DOCK3: variants seen among roughly 807,000 people sequenced by gnomAD.
DOCK3 encodes the protein dedicator of cytokinesis 3.
Under a neutral mutation model 265.6 loss-of-function variants are expected in DOCK3, and 60 were observed. The observed-to-expected ratio is 0.23, with a 90% CI of 0.18 to 0.28. The LOEUF (loss-of-function observed/expected upper bound fraction) is 0.28. DOCK3 is among the 10% of genes least tolerant of loss of function. The pLI is 1.00. For synonymous variants in DOCK3, 881 were observed against 938.0 expected, an observed-to-expected ratio of 0.94 and a Z score of 1.11; for missense variants, 1,981 against 2,594.3, an observed-to-expected ratio of 0.76 and a Z score of 5.14.
At chr3:51,315,149 C>A (rs761474209) in intron 32 of DOCK3, 21 bp downstream of exon 32, 1 of 1,579,166 alleles carries the variant, frequency 6.3e-7, no homozygotes, top group East Asian at 2.3e-5. Flanking sequence ...TGGCAGTGTT[C>A]GGGGTATTCT....
At chr3:51,250,269 TAAAAAA>T (rs200311513) in intron 22 of DOCK3, among the ~76,000 whole-genome samples, 5 of 136,210 alleles carry the variant, frequency 3.7e-5, no homozygotes, top group Admixed American at 1.5e-4. Context: ...GAATGATCAA[TAAAAAA>T]AAAAAAAAAA....
At position 51,291,429 on chromosome 3, in the gene DOCK3, A is replaced by G. The variant is rs541591566; in HGVS notation, c.2922+11225A>G. 3.3e-5 allele frequency among the ~76,000 whole-genome samples: 5 copies of G among 152,342 alleles called. No homozygotes were observed. The South Asian group carries it at 1.0e-3, about 32-fold the overall frequency. On this transcript the variant is annotated intron_variant, in intron 27 of 52. Coordinates refer to ENST00000266037, the MANE Select transcript of DOCK3 (RefSeq NM_004947.5). ...AATGAAATAGAAGACGTTACAACTG[A>G]TAACAGAAATATAAAGGATCATAAG... is the stretch of plus-strand genomic sequence containing the variant.
At chr3:51,341,025 C>G (rs985408110) in intron 37 of DOCK3, among the ~76,000 whole-genome samples, 6 of 152,232 alleles carry the variant, frequency 3.9e-5, no homozygotes, top group African/African-American at 1.4e-4. Context: ...AGGAAGGTGT[C>G]TACCAGAATA....
At chr3:51,130,164 A>C (rs1416203288) in intron 9 of DOCK3, among the ~76,000 whole-genome samples, 1 of 152,238 alleles carries the variant, frequency 6.6e-6, no homozygotes, top group Non-Finnish European at 1.5e-5. Context: ...TCTGGCACAC[A>C]AATGTCTCAC....
intron 2 of DOCK3, among the ~76,000 whole-genome samples, chr3:50,824,924 T>G (rs1032598169): frequency 2.6e-5 from 4 of 152,216 alleles, no homozygotes; most frequent in Non-Finnish European, 4.4e-5. Context: ...TCTTTAATCC[T>G]TCTTGCAATT....
intron 9 of DOCK3, among the ~76,000 whole-genome samples, chr3:51,101,206 C>T (rs888870238): frequency 3.3e-5 from 5 of 150,150 alleles, no homozygotes; most frequent in South Asian, 2.1e-4. Context: ...CTGCAAGCTC[C>T]GCTTCCCGGG....
At chr3:50,720,862 T>C (rs1451800898) in intron 1 of DOCK3, among the ~76,000 whole-genome samples, 3 of 152,224 alleles carry the variant, frequency 2.0e-5, no homozygotes, top group African/African-American at 7.2e-5. Flanking sequence ...TGCCAGTGTC[T>C]ATTATTTTTT....
intron 10 of DOCK3, among the ~76,000 whole-genome samples, chr3:51,155,746 A>G (rs564630872): frequency 6.6e-6 from 1 of 152,242 alleles, no homozygotes; most frequent in African/African-American, 2.4e-5. Context: ...TATGTTTTAT[A>G]CTTACGTGGA....
At chr3:50,979,237 A>G (rs1183633469) in intron 5 of DOCK3, among the ~76,000 whole-genome samples, 2 of 152,180 alleles carry the variant, frequency 1.3e-5, no homozygotes, top group African/African-American at 2.4e-5. Context: ...GTTTCCTTGT[A>G]GAGGTCTTTT....
At chr3:50,702,549 A>G (rs1439386989) in intron 1 of DOCK3, among the ~76,000 whole-genome samples, 1 of 151,690 alleles carries the variant, frequency 6.6e-6, no homozygotes, top group African/African-American at 2.4e-5. Context: ...TGGTATTTTT[A>G]GTAGAGATGG....
At chr3:50,933,945 A>T in intron 4 of DOCK3, 36 bp from the exon 5 acceptor site, 2 of 1,429,668 alleles carry the variant, frequency 1.4e-6, no homozygotes, top group South Asian at 1.4e-5. Context: ...TTTTTTTCAG[A>T]GATAATGTGG....
At chr3:50,905,289 T>A (rs1004039113) in intron 4 of DOCK3, among the ~76,000 whole-genome samples, 25 of 152,212 alleles carry the variant, frequency 1.6e-4, no homozygotes, top group African/African-American at 5.5e-4. Flanking sequence ...TTTTTTCCAA[T>A]TCTGTGAACA....
intron 2 of DOCK3, among the ~76,000 whole-genome samples, chr3:50,831,952 G>C (rs2107123270): frequency 6.6e-6 from 1 of 152,194 alleles, no homozygotes; most frequent in East Asian, 1.9e-4. Context: ...TCTCATTGTG[G>C]TTTTGATTTG....
At chr3:51,139,927 G>A (rs1271202254) in intron 9 of DOCK3, among the ~76,000 whole-genome samples, 1 of 152,222 alleles carries the variant, frequency 6.6e-6, no homozygotes, top group Non-Finnish European at 1.5e-5. Flanking sequence ...ACACCAGTGT[G>A]TGTGTGGAGA....
At chr3:50,999,777 T>A (rs1209450134) in intron 5 of DOCK3, among the ~76,000 whole-genome samples, 1 of 152,226 alleles carries the variant, frequency 6.6e-6, no homozygotes, top group African/African-American at 2.4e-5. Flanking sequence ...CCAAAATGAT[T>A]AAGGTCTCTT....
intron 3 of DOCK3, among the ~76,000 whole-genome samples, chr3:50,887,046 A>G (rs1367485520): frequency 6.6e-6 from 1 of 152,060 alleles, no homozygotes; most frequent in Non-Finnish European, 1.5e-5. Flanking sequence ...GACACAAAAA[A>G]CCCTTCAAAA....
chr3:50,973,618 T>G (rs1366713833), intron 5 of DOCK3, among the ~76,000 whole-genome samples: 1 of 146,842 alleles, frequency 6.8e-6, no homozygotes, highest in East Asian at 2.0e-4. Flanking sequence ...TGTGTCTTTA[T>G]AGCAGCATGA....
intron 3 of DOCK3, among the ~76,000 whole-genome samples, chr3:50,854,428 CTT>C (rs1295030255): frequency 5.0e-5 from 7 of 139,412 alleles, no homozygotes; most frequent in Non-Finnish European, 1.1e-4. Context: ...CTCCCCCCAT[CTT>C]TTTTTTTTTT....
intron 5 of DOCK3, among the ~76,000 whole-genome samples, chr3:50,977,583 C>T (rs898812383): frequency 6.6e-6 from 1 of 152,038 alleles, no homozygotes. Flanking sequence ...AACATTTTTT[C>T]CTTCATTTCA....
Sources: allele counts gnomAD v4.1 joint callset (sites outside exome capture counted in the v4.1 genomes callset), GRCh38; gene constraint gnomAD v4.1.1; transcripts MANE v1.5; gene names NCBI Gene and HGNC (gene_info 2026-07-23, HGNC 2026-07-21).